CHRNA6: variants seen among roughly 807,000 people sequenced by gnomAD.
The protein encoded by CHRNA6 is neuronal acetylcholine receptor subunit alpha-6.
Under a neutral mutation model 40.9 loss-of-function variants are expected in CHRNA6, and 31 were observed. The ratio of observed to expected loss-of-function variants is 0.76; its 90% CI spans 0.57 to 1.02. The LOEUF is 1.02. Among genes scored for constraint, CHRNA6 ranks in the 50% least tolerant of loss-of-function variants. CHRNA6 has a pLI of 0.00. For missense variants in CHRNA6, 546 were observed against 596.6 expected (o/e 0.92, Z 0.88); for synonymous variants, 222 against 221.3 (o/e 1.00, Z -0.03).
Position 42,752,918 on chromosome 8 carries a change from G to A in CHRNA6, c.*261C>T, listed in dbSNP as rs749451412. The stretch of plus-strand genomic sequence containing the variant: ...CTTTAGAAGCCAAACACACAGACAC[G>A]AGAAACCTGACCTGATACTGTAGCC... On this transcript the variant is annotated 3_prime_UTR_variant, in exon 6 of 6. Transcript: ENST00000276410. The A allele has an allele frequency of 9.9e-6, 3 of 302,236 alleles. No homozygotes were observed. The highest frequency in any genetic ancestry group is 2.2e-5 in the African/African-American group (1 of 45,238). 18.7% of individuals were successfully genotyped at this position (302,236 alleles called of 1,614,324 possible).
Position 42,756,044 on chromosome 8 carries a change from G to T in CHRNA6, c.1155C>A (p.Ser385Arg), listed in dbSNP as rs1217810067. The T allele has an allele frequency of 6.2e-7, 1 of 1,614,230 alleles. No homozygotes were observed. Among genetic ancestry groups the T allele is most frequent in the Non-Finnish European group, 8.5e-7 (1 of 1,180,028 alleles). Residue 385 changes from serine (S) to arginine (R), a missense_variant, in exon 5 of 6, where the codon AGC (serine) becomes AGA (arginine). Coordinates refer to ENST00000276410, the MANE Select transcript of CHRNA6 (RefSeq NM_004198.3). ...CTTTAAGATGTCTGGGTTCCCCATG[G>T]CTTGCAAGCTTGCCTTTGGCAGGCC... ...ARRPAKGKLASHGEPRHLKEC... is the reference protein window; with the variant it reads ...ARRPAKGKLARHGEPRHLKEC...
intron 5 of CHRNA6, 135 bp from the exon 6 acceptor site, chr8:42,753,445 G>A: frequency 1.3e-6 from 1 of 797,472 alleles, no homozygotes; most frequent in Non-Finnish European, 2.0e-6. Context: ...TCAGCTGGGT[G>A]GGAGGATCAT....
chr8:42,753,022 C>T lies in CHRNA6; in HGVS notation c.*157G>A. ...CTGTGCTACACTGGAGGATATTCTGCTTCCTAATGTGCAAGAAAGTCCTCT... is the reference window on the plus strand; with the variant it reads ...CTGTGCTACACTGGAGGATATTCTGTTTCCTAATGTGCAAGAAAGTCCTCT... On this transcript the variant is annotated 3_prime_UTR_variant, in exon 6 of 6. Transcript: ENST00000276410. The T allele has an allele frequency of 1.6e-6, 1 of 620,736 alleles. No individual in the cohort carries two copies. Among genetic ancestry groups the T allele is most frequent in the South Asian group, 2.0e-5 (1 of 49,502 alleles). The allele number at this position is 620,736 out of a possible 1,614,324, so 38.5% of individuals were successfully genotyped here.
chr8:42,753,245 A>C lies in CHRNA6; in HGVS notation c.1419T>G (p.Ile473Met), dbSNP rs771212852. The C allele has an allele frequency of 2.5e-6, 4 of 1,612,180 alleles. No individual in the cohort carries two copies. The highest frequency in any genetic ancestry group is 1.7e-4 in the Middle Eastern group (1 of 6,052). ...GCCCTGCAGTTCCAAATACACAGAC[A>C]ATTATAAATACCCAAAGAAATACTC... ...VDRVFLWVFI[I>M]VCVFGTAGLF... is the part of the protein sequence containing the mutation. The change falls in exon 6 of 6, where the codon ATT becomes ATG. Residue 473 changes from isoleucine (I) to methionine (M), a missense_variant. Physicochemically the swap from Ile to Met is conservative, Grantham distance 10. Coordinates refer to ENST00000276410, the MANE Select transcript of CHRNA6 (RefSeq NM_004198.3).
intron 5 of CHRNA6, 138 bp from the exon 6 acceptor site, chr8:42,753,448 AG>A (rs1427003945): frequency 1.3e-5 from 10 of 782,638 alleles, no homozygotes; most frequent in Non-Finnish European, 2.1e-5. Flanking sequence ...GCTGGGTGGG[AG>A]GATCATCTGA....
Position 42,753,259 on chromosome 8 carries a change from A to C in CHRNA6, c.1405T>G (p.Trp469Gly). The C allele has an allele frequency of 6.2e-7, 1 of 1,612,612 alleles. No homozygotes were observed. Among genetic ancestry groups the C allele is most frequent in the South Asian group, 1.1e-5 (1 of 90,664 alleles). The change falls in exon 6 of 6, where the codon TGG (tryptophan) becomes GGG (glycine). Residue 469 changes from tryptophan (W) to glycine (G), a missense_variant. By Grantham distance (184) the Trp-to-Gly change is radical (BLOSUM62 -2). Transcript: ENST00000276410. ...AATACACAGACAATTATAAATACCC[A>C]AAGAAATACTCTGTCCACCACCATG... ...VAMVVDRVFL[W>G]VFIIVCVFGT...
chr8:42,755,786 CA>C, intron 5 of CHRNA6, 59 bp downstream of exon 5: 1 of 1,549,968 alleles, frequency 6.5e-7, no homozygotes, highest in Non-Finnish European at 8.7e-7. Context: ...ACTGTGCATC[CA>C]GAGTGCCCAT....
chr8:42,762,570 G>C (rs1816919057), intron 2 of CHRNA6, among the ~76,000 whole-genome samples: 1 of 152,110 alleles, frequency 6.6e-6, no homozygotes, highest in Admixed American at 6.5e-5. Flanking sequence ...AATCGCTTGA[G>C]CCCGGGAGGC....
intron 2 of CHRNA6, among the ~76,000 whole-genome samples, chr8:42,763,983 C>T (rs533502453): frequency 1.1e-4 from 17 of 152,168 alleles, no homozygotes; most frequent in Non-Finnish European, 1.5e-4. Context: ...CCATCCATGG[C>T]TGGGGCTGAC....
Position 42,755,827 on chromosome 8 carries a change from G to A in CHRNA6, c.1353+19C>T, listed in dbSNP as rs775652418. 14 of 1,602,178 alleles carry A rather than the reference G, an allele frequency of 8.7e-6. No homozygotes were observed. Among genetic ancestry groups the A allele is most frequent in the Non-Finnish European group, 1.2e-5 (14 of 1,173,658 alleles). On this transcript the variant is annotated intron_variant, in intron 5 of 5. Coordinates refer to ENST00000276410, the MANE Select transcript of CHRNA6 (RefSeq NM_004198.3). The stretch of plus-strand genomic sequence containing the variant: ...TGCAAAGGGTGCAAGCTGGCTGGGT[G>A]GAGGGAACACACATTTACCTCCTTG...
chr8:42,760,410 T>C (rs1816886501), intron 2 of CHRNA6, among the ~76,000 whole-genome samples: 1 of 151,048 alleles, frequency 6.6e-6, no homozygotes, highest in Non-Finnish European at 1.5e-5. Context: ...ACATTCGTAC[T>C]CTTATACGTA....
At position 42,755,851 on chromosome 8, in the gene CHRNA6, T is replaced by G. The variant is rs901323193; in HGVS notation, c.1348A>C (p.Lys450Gln). The change falls in exon 5 of 6, where the codon AAG becomes CAG. Residue 450 changes from lysine to glutamine, a missense_variant. By Grantham distance (53) the Lys-to-Gln change is moderately conservative. Coordinates refer to ENST00000276410, the MANE Select transcript of CHRNA6 (RefSeq NM_004198.3). Reference sequence around the variant, plus strand: ...TGGAGGGAACACACATTTACCTCCTTGGTTTCATTGTGGCTCTTCATGTTT... The same window carrying G: ...TGGAGGGAACACACATTTACCTCCTGGGTTTCATTGTGGCTCTTCATGTTT... ...AENMKSHNET[K>Q]EVEDDWKYVA... 1.2e-6 allele frequency: 2 copies of G among 1,612,886 alleles called. No homozygotes were observed. The highest frequency in any genetic ancestry group is 1.7e-6 in the Non-Finnish European group (2 of 1,179,262).
At chr8:42,761,758 A>G (rs902689911) in intron 2 of CHRNA6, among the ~76,000 whole-genome samples, 1 of 152,090 alleles carries the variant, frequency 6.6e-6, no homozygotes, top group Non-Finnish European at 1.5e-5. Context: ...CACAGCATCA[A>G]CTCCATTCCT....
At chr8:42,760,330 ACT>A (rs1273792763) in intron 2 of CHRNA6, among the ~76,000 whole-genome samples, 3 of 121,682 alleles carry the variant, frequency 2.5e-5, no homozygotes, top group African/African-American at 1.1e-4. Context: ...GCACACTCAC[ACT>A]CATGCGCACA....
chr8:42,758,342 C>A (rs1816841606), intron 3 of CHRNA6, among the ~76,000 whole-genome samples: 1 of 151,294 alleles, frequency 6.6e-6, no homozygotes, highest in South Asian at 2.1e-4. Flanking sequence ...ACGATTAAGA[C>A]TTCCTTTCTG....
chr8:42,761,031 T>C (rs766788242), intron 2 of CHRNA6, among the ~76,000 whole-genome samples: 83 of 152,206 alleles, frequency 5.5e-4, no homozygotes, highest in Non-Finnish European at 1.1e-3. Flanking sequence ...GAGGGAGTCG[T>C]GGTCAGACTC....
intron 2 of CHRNA6, among the ~76,000 whole-genome samples, chr8:42,761,330 G>A (rs150039637): frequency 1.3e-5 from 2 of 152,318 alleles, no homozygotes; most frequent in Non-Finnish European, 2.9e-5. Context: ...ATGCCTTCTG[G>A]TAATGAGCGT....
At chr8:42,759,913 A>AG (rs1240939153) in intron 2 of CHRNA6, among the ~76,000 whole-genome samples, 4 of 151,246 alleles carry the variant, frequency 2.6e-5, no homozygotes, top group Admixed American at 6.6e-5. Flanking sequence ...AAAAAAAAAA[A>AG]AGTCAGCCTT....
Position 42,768,579 on chromosome 8 carries a change from A to T in CHRNA6, c.-149T>A. ...TCTCAGAAATCAAAACATCCCCGGG[A>T]CTTCACACGGTTATTACCAGGATCA... On this transcript the variant is annotated 5_prime_UTR_variant, in exon 1 of 6. Transcript: ENST00000276410. 1.7e-6 allele frequency: 1 copy of T among 596,132 alleles called. No individual in the cohort carries two copies. Among genetic ancestry groups the T allele is most frequent in the South Asian group, 2.2e-5 (1 of 45,826 alleles). 36.9% of individuals were successfully genotyped at this position (596,132 alleles called of 1,614,324 possible).
Sources: allele counts gnomAD v4.1 joint callset (sites outside exome capture counted in the v4.1 genomes callset), GRCh38; gene constraint gnomAD v4.1.1; transcripts MANE v1.5; gene names NCBI Gene and HGNC (gene_info 2026-07-23, HGNC 2026-07-21).